Variants in CXCL13 observed in about 807,000 individuals in gnomAD.
CXCL13 encodes C-X-C motif chemokine ligand 13.
A neutral mutation model predicts 12.2 loss-of-function variants in CXCL13; 7 were observed. The observed-to-expected ratio is 0.57, with a 90% CI of 0.33 to 1.07. CXCL13 has a LOEUF of 1.07. CXCL13 is among the 50% of genes least tolerant of loss of function. The pLI, the probability that CXCL13 is intolerant of heterozygous loss-of-function variation, is 0.04. For missense variants in CXCL13, 113 were observed against 127.4 expected (o/e 0.89, Z 0.55); for synonymous variants, 47 against 42.4 (o/e 1.11, Z -0.42).
chr4:77,560,245 G>A (rs1022406391), intron 1 of CXCL13, among the ~76,000 whole-genome samples: 1 of 152,074 alleles, frequency 6.6e-6, no homozygotes, highest in Non-Finnish European at 1.5e-5. Flanking sequence ...AGAAAATAGA[G>A]ATTGAGGTTG....
chr4:77,551,354 G>T (rs944474155), intron 1 of CXCL13, among the ~76,000 whole-genome samples: 1 of 152,146 alleles, frequency 6.6e-6, no homozygotes, highest in Non-Finnish European at 1.5e-5. Context: ...TCTGGAAAAG[G>T]ATTTTATTTC....
chr4:77,528,577 T>C (rs944587706), intron 1 of CXCL13, among the ~76,000 whole-genome samples: 9 of 152,352 alleles, frequency 5.9e-5, no homozygotes, highest in Admixed American at 4.6e-4. Context: ...AAATGTCTTC[T>C]TTTGAGAAGT....
At chr4:77,541,586 C>A (rs937350649) in intron 1 of CXCL13, among the ~76,000 whole-genome samples, 2 of 152,118 alleles carry the variant, frequency 1.3e-5, no homozygotes, top group African/African-American at 4.8e-5. Flanking sequence ...TGTTTTTGTA[C>A]CAGTACCATG....
chr4:77,543,440 G>A (rs370878452), intron 1 of CXCL13, among the ~76,000 whole-genome samples: 2 of 151,988 alleles, frequency 1.3e-5, no homozygotes, highest in South Asian at 2.1e-4. Flanking sequence ...CTTATAGTGT[G>A]CTGTTAGATA....
chr4:77,549,168 C>T (rs141912670), intron 1 of CXCL13, among the ~76,000 whole-genome samples: 22,071 of 152,178 alleles, frequency 0.15, 1,685 homozygotes, highest in South Asian at 0.21. Context: ...AGTTCTCGTG[C>T]CACGGTTTTC....
In CXCL13 at chr4:77,513,820, T is replaced by A. The variant is rs1398387859; in HGVS notation, c.-43+2032T>A. ...ATGGTATCTCTTTTTTTTTTTTTTT[T>A]ATACTTTAAGTTTTAGGGTACATGT... On this transcript the variant is annotated intron_variant, in intron 1 of 4. Transcript: ENST00000286758. Among the ~76,000 whole-genome samples the A allele has an allele frequency of 1.8e-3, 257 of 145,830 alleles. 1 individual carries two copies. The highest frequency in any genetic ancestry group is 6.4e-3 in the African/African-American group (242 of 37,680).
chr4:77,565,076 G>A (rs1473693422), intron 1 of CXCL13, among the ~76,000 whole-genome samples: 1 of 152,194 alleles, frequency 6.6e-6, no homozygotes, highest in Admixed American at 6.5e-5. Flanking sequence ...TTCAACTTTT[G>A]TAGCTCAACT....
At chr4:77,516,220 T>C (rs932042042) in intron 1 of CXCL13, among the ~76,000 whole-genome samples, 2 of 152,236 alleles carry the variant, frequency 1.3e-5, no homozygotes, top group Non-Finnish European at 2.9e-5. Context: ...CAGTTTTTTA[T>C]TGAGGATTTT....
At chr4:77,530,353 A>G (rs915217325) in intron 1 of CXCL13, among the ~76,000 whole-genome samples, 4 of 152,212 alleles carry the variant, frequency 2.6e-5, no homozygotes, top group African/African-American at 9.6e-5. Flanking sequence ...AAGGAATGGT[A>G]CCAGCTCCTC....
chr4:77,536,079 G>T (rs1346657369), intron 1 of CXCL13, among the ~76,000 whole-genome samples: 1 of 151,906 alleles, frequency 6.6e-6, no homozygotes. Flanking sequence ...GCTCCCCATT[G>T]GCCAAACCCA....
At chr4:77,563,791 G>A (rs1725867314) in intron 1 of CXCL13, among the ~76,000 whole-genome samples, 1 of 152,156 alleles carries the variant, frequency 6.6e-6, no homozygotes, top group African/African-American at 2.4e-5. Flanking sequence ...AGAATATATT[G>A]TCTTTTTTAT....
chr4:77,515,638 G>T (rs1426657751), intron 1 of CXCL13, among the ~76,000 whole-genome samples: 1 of 152,120 alleles, frequency 6.6e-6, no homozygotes, highest in Admixed American at 6.5e-5. Flanking sequence ...GAATGCTTGT[G>T]ATTTTTGCAC....
rs909729991 is a variant in CXCL13, at chr4:77,558,253, C to T, written c.-43+46465C>T. Among the ~76,000 whole-genome samples, 3 of 152,328 alleles carry T rather than the reference C, an allele frequency of 2.0e-5. No homozygotes were observed. In the South Asian group the frequency reaches 6.2e-4, roughly 32 times the overall value. The stretch of plus-strand genomic sequence containing the variant: ...GCCCATGGCCAAGTATGTAGGTGGC[C>T]CTTGATCCTGAGATGGGCACCTGTT... On this transcript the variant is annotated intron_variant, in intron 1 of 4. Coordinates refer to the CXCL13 transcript ENST00000286758.
At chr4:77,532,878 C>T (rs1724964205) in intron 1 of CXCL13, among the ~76,000 whole-genome samples, 1 of 152,132 alleles carries the variant, frequency 6.6e-6, no homozygotes, top group African/African-American at 2.4e-5. Context: ...AGTTCTCATG[C>T]CTTGGTTTTC....
chr4:77,530,296 G>T (rs1724873707), intron 1 of CXCL13, among the ~76,000 whole-genome samples: 1 of 152,184 alleles, frequency 6.6e-6, no homozygotes, highest in Non-Finnish European at 1.5e-5. Flanking sequence ...TTCATAAAAT[G>T]AGTTAAGGAG....
At chr4:77,531,127 TATTATC>T (rs1277210833) in intron 1 of CXCL13, among the ~76,000 whole-genome samples, 1 of 147,080 alleles carries the variant, frequency 6.8e-6, no homozygotes, top group East Asian at 2.0e-4. Context: ...TTATTATTAT[TATTATC>T]ATTATTATAC....
At chr4:77,583,765 G>A (rs1243346301) in intron 1 of CXCL13, among the ~76,000 whole-genome samples, 1 of 152,152 alleles carries the variant, frequency 6.6e-6, no homozygotes, top group African/African-American at 2.4e-5. Context: ...CTCCATCAAG[G>A]TCCTTTCTAG....
intron 1 of CXCL13, among the ~76,000 whole-genome samples, chr4:77,538,423 CTT>C (rs80263344): frequency 0.016 from 1,978 of 124,126 alleles, 37 homozygotes; most frequent in African/African-American, 0.034. Flanking sequence ...AATGTCTTGT[CTT>C]TTTTTTTTTT....
chr4:77,530,537 G>T (rs13102704), intron 1 of CXCL13, among the ~76,000 whole-genome samples: 2 of 151,956 alleles, frequency 1.3e-5, no homozygotes, highest in Non-Finnish European at 2.9e-5. Flanking sequence ...TATCCATTTC[G>T]TCTAGATTTT....
Sources: gnomAD v4.1 joint callset for allele counts (sites outside exome capture counted in the v4.1 genomes callset) on GRCh38, gnomAD v4.1.1 for gene constraint, MANE v1.5 for transcripts, NCBI Gene and HGNC (gene_info 2026-07-23, HGNC 2026-07-21) for gene names.